MCF2L: variants seen among roughly 807,000 people sequenced by gnomAD.
The protein encoded by MCF2L is guanine nucleotide exchange factor DBS.
A neutral mutation model predicts 153.4 loss-of-function variants in MCF2L; 97 were observed. The ratio of observed to expected loss-of-function variants is 0.63; its 90% confidence interval spans 0.54 to 0.75. The LOEUF is 0.75. MCF2L is among the 30% of genes least tolerant of loss of function. MCF2L has a pLI of 0.00. For synonymous variants in MCF2L, 659 were observed against 632.2 expected, an observed-to-expected ratio of 1.04 and a Z score of -0.64; for missense variants, 1,347 against 1,495.2, an observed-to-expected ratio of 0.90 and a Z score of 1.64.
Position 113,035,551 on chromosome 13 carries a change from T to C in MCF2L, c.279-9720T>C, listed in dbSNP as rs986282956. 1.3e-5 allele frequency among the ~76,000 whole-genome samples: 2 copies of C among 152,188 alleles called. No homozygotes were observed. Among genetic ancestry groups the C allele is most frequent in the Non-Finnish European group, 2.9e-5 (2 of 68,036 alleles). ...GTCTCCCCTCCTCTGGCCCCCTCCC[T>C]GGCTCCTTCGCCTGCTGCCTTTTTC... On this transcript the variant is annotated intron_variant, in intron 3 of 29. Coordinates refer to ENST00000535094, the MANE Select transcript of MCF2L (RefSeq NM_001112732.3). This position sits in a 1 kb window ranked among gnomAD's most constrained non-coding sequence, Gnocchi z 4.4.
Position 113,054,229 on chromosome 13 carries a change from A to C in MCF2L, c.370-6364A>C, listed in dbSNP as rs547742493. The C allele has an allele frequency of 4.7e-4, 78 of 167,698 alleles. No individual in the cohort carries two copies. Among genetic ancestry groups the C allele is most frequent in the African/African-American group, 1.8e-3 (75 of 41,502 alleles). The allele number at this position is 167,698 out of a possible 1,614,324, so 10.4% of individuals were successfully genotyped here. A position where few individuals can be genotyped will look rare whatever the true frequency, so the allele number is the denominator to read the frequency against. On this transcript the variant is annotated intron_variant, in intron 4 of 29. Transcript: ENST00000535094. The surrounding 1 kb of genome is among the most constrained non-coding windows in gnomAD (Gnocchi z 5.2). ...GGTCTGCTTCCCGTGAAATTCGTGGAGATTATTGTACATTCGGGAGTGGGA... is the reference window on the plus strand; with the variant it reads ...GGTCTGCTTCCCGTGAAATTCGTGGCGATTATTGTACATTCGGGAGTGGGA...
Position 113,088,558 on chromosome 13 carries a change from G to A in MCF2L, c.2768-4G>A, listed in dbSNP as rs369998849. On this transcript the variant is annotated splice_polypyrimidine_tract_variant and splice_region_variant and intron_variant, in intron 24 of 29. Transcript: ENST00000535094. ...CACGTGGTTTGTCTGCTCCCTCCTCGCAGAAGCCAGCCAGCACCGGGCGCT... is the reference window on the plus strand; with the variant it reads ...CACGTGGTTTGTCTGCTCCCTCCTCACAGAAGCCAGCCAGCACCGGGCGCT... The A allele has an allele frequency of 5.3e-5, 86 of 1,610,656 alleles. No individual in the cohort carries two copies. Among genetic ancestry groups the A allele is most frequent in the South Asian group, 1.1e-4 (10 of 90,934 alleles).
In MCF2L at chr13:113,012,269, A is replaced by G. The variant is rs1426235342; in HGVS notation, c.80-2494A>G. 6.9e-5 allele frequency among the ~76,000 whole-genome samples: 6 copies of G among 86,684 alleles called. 1 individual carries two copies. The highest frequency in any genetic ancestry group is 9.6e-5 in the Non-Finnish European group (4 of 41,522). The allele number at this position is 86,684 out of a possible 152,430, so 56.9% of individuals were successfully genotyped here. ...GGACGGTGGACACTGCGATGAGGAC[A>G]GTGGACAGGTGGTGTAGACAGTGGA... On this transcript the variant is annotated intron_variant, in intron 1 of 29. Coordinates refer to ENST00000535094, the MANE Select transcript of MCF2L (RefSeq NM_001112732.3).
rs113757995 is a variant in MCF2L, at chr13:113,041,191, A to G, written c.279-4080A>G. On this transcript the variant is annotated intron_variant, in intron 3 of 29. Transcript: ENST00000535094. ...ATTCTACCCCAACTCCTCCGGCACC[A>G]TCACCTTCATCCCTCTGGTGACTCT... Among the ~76,000 whole-genome samples the G allele has an allele frequency of 4.1e-3, 617 of 152,250 alleles. 6 individuals are homozygous for G. Among genetic ancestry groups the G allele is most frequent in the African/African-American group, 0.014 (592 of 41,546 alleles).
chr13:113,090,103 G>A, intron 26 of MCF2L: 2 of 1,549,514 alleles, frequency 1.3e-6, no homozygotes, highest in Non-Finnish European at 1.7e-6. Context: ...AGAAAGCTCT[G>A]CGCTTTCCAG....
Position 113,053,354 on chromosome 13 carries a change from C to T in MCF2L, c.370-7239C>T, listed in dbSNP as rs183880880. 3.3e-5 allele frequency among the ~76,000 whole-genome samples: 5 copies of T among 152,290 alleles called. No homozygotes were observed. The East Asian group carries it at 7.7e-4, about 23-fold the overall frequency. Reference sequence around the variant, plus strand: ...CTGTCTTTTGTGAGATTGAGATTTGCGAAGGGTTGAAGCCAGTTGCTTTAT... The same window carrying T: ...CTGTCTTTTGTGAGATTGAGATTTGTGAAGGGTTGAAGCCAGTTGCTTTAT... On this transcript the variant is annotated intron_variant, in intron 4 of 29. Coordinates refer to ENST00000535094, the MANE Select transcript of MCF2L (RefSeq NM_001112732.3). The surrounding 1 kb of genome is among the most constrained non-coding windows in gnomAD (Gnocchi z 4.4).
intron 3 of MCF2L, among the ~76,000 whole-genome samples, chr13:113,037,124 C>T (rs955960083): frequency 5.3e-5 from 8 of 152,180 alleles, no homozygotes; most frequent in African/African-American, 1.7e-4. Context: ...GAATTCCTCT[C>T]GACTAACAGC....
chr13:112,939,386 G>A (rs902463228), intron 2 of MCF2L, among the ~76,000 whole-genome samples: 1 of 152,134 alleles, frequency 6.6e-6, no homozygotes, highest in Non-Finnish European at 1.5e-5. Flanking sequence ...TTCCTCAGTG[G>A]CAACACCAAA....
intron 3 of MCF2L, chr13:113,034,088 A>C (rs917899768): frequency 1.8e-5 from 3 of 165,846 alleles, no homozygotes; most frequent in African/African-American, 7.3e-5. Flanking sequence ...TGTAAAATGA[A>C]AGCAAAATAA....
At chr13:113,077,265 G>C in intron 13 of MCF2L, 54 bp downstream of exon 13, 1 of 1,453,122 alleles carries the variant, frequency 6.9e-7, no homozygotes, top group Admixed American at 2.7e-5. Flanking sequence ...GGGGAGCCCC[G>C]GGCGTTGAGA....
intron 1 of MCF2L, among the ~76,000 whole-genome samples, chr13:112,975,849 T>C (rs1455425056): frequency 2.0e-5 from 3 of 152,216 alleles, no homozygotes; most frequent in Non-Finnish European, 4.4e-5. Flanking sequence ...TTCTCCCAGA[T>C]GCCCACGGTC....
At chr13:112,997,042 C>T (rs1029411301) in intron 1 of MCF2L, among the ~76,000 whole-genome samples, 2 of 152,364 alleles carry the variant, frequency 1.3e-5, no homozygotes, top group South Asian at 4.1e-4. Context: ...GGGCCGCCCT[C>T]GCCTGCACTG....
Position 113,089,618 on chromosome 13 carries a change from G to A in MCF2L, c.2843G>A (p.Arg948Lys), listed in dbSNP as rs2035004546. The A allele has an allele frequency of 1.2e-6, 2 of 1,610,186 alleles. No homozygotes were observed. The highest frequency in any genetic ancestry group is 1.3e-5 in the African/African-American group (1 of 74,842). Residue 948 changes from arginine to lysine, a missense_variant, in exon 26 of 30, where the codon AGA becomes AAA. Coordinates refer to ENST00000535094, the MANE Select transcript of MCF2L (RefSeq NM_001112732.3). ...TTGTCTGATGTCATCAGTCCCTCAA[G>A]AGGAAACTCAAGGAACATCAAGAAG... The part of the protein sequence containing the change: ...LPAPTSTSPS[R>K]GNSRNIKKLE...
rs189390727 is a variant in MCF2L at position 113,035,721 on chromosome 13, G to A, written c.279-9550G>A. Reference sequence around the variant, plus strand: ...CTCCTTGGAGGATGGAGATTTTAAGGTCTTACTGTGGTGTGAGCGATCAGA... The same window carrying A: ...CTCCTTGGAGGATGGAGATTTTAAGATCTTACTGTGGTGTGAGCGATCAGA... On this transcript the variant is annotated intron_variant, in intron 3 of 29. Coordinates refer to ENST00000535094, the MANE Select transcript of MCF2L (RefSeq NM_001112732.3). The surrounding 1 kb of genome is among the most constrained non-coding windows in gnomAD (Gnocchi z 4.4). Among the ~76,000 whole-genome samples the A allele has an allele frequency of 8.5e-5, 13 of 152,346 alleles. No homozygotes were observed. The highest frequency in any genetic ancestry group is 2.6e-4 in the African/African-American group (11 of 41,584).
chr13:112,957,481 G>A (rs1018941386), intron 2 of MCF2L: 3 of 152,054 alleles, frequency 2.0e-5, no homozygotes, highest in South Asian at 2.1e-4. Context: ...CCGAGGCCCC[G>A]GGGTCCTGAG....
chr13:112,975,682 A>G (rs916644077), intron 1 of MCF2L, among the ~76,000 whole-genome samples: 3 of 152,218 alleles, frequency 2.0e-5, no homozygotes, highest in Non-Finnish European at 4.4e-5. Context: ...TCATCCTCAC[A>G]TACAGTTAGG....
intron 27 of MCF2L, chr13:113,096,164 AT>A (rs1225604202): frequency 1.7e-6 from 1 of 597,594 alleles, no homozygotes; most frequent in Non-Finnish European, 3.0e-6. Context: ...CCAAAGACAG[AT>A]TCACAGACGC....
intron 27 of MCF2L, chr13:113,095,793 T>A: frequency 2.0e-6 from 2 of 999,446 alleles, no homozygotes; most frequent in Non-Finnish European, 2.4e-6. Flanking sequence ...AGCTGCCGCT[T>A]CCTGGGTCCC....
chr13:112,998,393 G>A (rs899356269), intron 1 of MCF2L, among the ~76,000 whole-genome samples: 3 of 152,184 alleles, frequency 2.0e-5, no homozygotes, highest in Non-Finnish European at 2.9e-5. Flanking sequence ...AGGCCTGGCC[G>A]GGGCTGTTGG....
Sources: gnomAD v4.1 joint callset for allele counts (sites outside exome capture counted in the v4.1 genomes callset) on GRCh38, gnomAD v4.1.1 for gene constraint, Gnocchi (gnomAD v3.1) non-coding constraint, MANE v1.5 for transcripts, NCBI Gene and HGNC (gene_info 2026-07-23, HGNC 2026-07-21) for gene names.